Variants in SETD7 observed in about 807,000 individuals in gnomAD.
The protein encoded by SETD7 is histone-lysine N-methyltransferase SETD7.
A neutral mutation model predicts 41.8 loss-of-function variants in SETD7; 16 were observed. The ratio of observed to expected loss-of-function variants is 0.38; its 90% CI spans 0.26 to 0.58. SETD7 has a LOEUF of 0.58. SETD7 is among the 20% of genes least tolerant of loss of function. The pLI is 0.64. For missense variants in SETD7, 346 were observed against 459.7 expected, an observed-to-expected ratio of 0.75 and a Z score of 2.26; for synonymous variants, 163 against 169.7, an observed-to-expected ratio of 0.96 and a Z score of 0.31.
chr4:139,500,273 G>A (rs2111108445), intron 7 of SETD7, among the ~76,000 whole-genome samples: 1 of 152,038 alleles, frequency 6.6e-6, no homozygotes, highest in South Asian at 2.1e-4. Context: ...TCCTCACCAT[G>A]GCCCCTCTGT....
At chr4:139,549,674 T>G (rs959851222) in intron 1 of SETD7, among the ~76,000 whole-genome samples, 1 of 152,114 alleles carries the variant, frequency 6.6e-6, no homozygotes, top group African/African-American at 2.4e-5. Flanking sequence ...GATGAGACCA[T>G]AGTTCACTGT....
intron 1 of SETD7, among the ~76,000 whole-genome samples, chr4:139,553,609 T>G (rs1406553924): frequency 6.6e-6 from 1 of 152,216 alleles, no homozygotes; most frequent in Non-Finnish European, 1.5e-5. Flanking sequence ...TATGCCTCAG[T>G]TCCCGCCTCT....
intron 3 of SETD7, among the ~76,000 whole-genome samples, chr4:139,532,212 C>G (rs1323301496): frequency 1.3e-5 from 2 of 152,178 alleles, no homozygotes; most frequent in Non-Finnish European, 2.9e-5. Flanking sequence ...GAGGCCAAGG[C>G]AGGTGGATTG....
Position 139,556,178 on chromosome 4 carries a change from C to A in SETD7, c.-41G>T. 3 of 1,572,316 alleles carry A rather than the reference C, an allele frequency of 1.9e-6. No individual in the cohort carries two copies. ...TGCCCAGCTCGGGGCTGCGCGGCTG[C>A]CTCCCGTCCCTCTGGGTGCTCCCGG... On this transcript the variant is annotated 5_prime_UTR_variant, in exon 1 of 8. Coordinates refer to ENST00000274031, the MANE Select transcript of SETD7 (RefSeq NM_030648.4).
At chr4:139,525,967 C>T (rs1226761521) in intron 4 of SETD7, among the ~76,000 whole-genome samples, 2 of 152,080 alleles carry the variant, frequency 1.3e-5, no homozygotes, top group Non-Finnish European at 2.9e-5. Context: ...CCAATAAATC[C>T]CCCCTTTCTT....
intron 7 of SETD7, among the ~76,000 whole-genome samples, chr4:139,512,705 T>A (rs1232563797): frequency 1.3e-5 from 2 of 151,724 alleles, no homozygotes; most frequent in African/African-American, 4.8e-5. Flanking sequence ...TTTATATGCA[T>A]CTGGTCAAAT....
chr4:139,550,569 AC>A (rs1467948960), intron 1 of SETD7, among the ~76,000 whole-genome samples: 5 of 152,358 alleles, frequency 3.3e-5, no homozygotes, highest in Admixed American at 6.5e-5. Flanking sequence ...CAAAACAATA[AC>A]AGAGACTTTC....
chr4:139,524,124 C>A (rs543650670), intron 4 of SETD7, among the ~76,000 whole-genome samples: 22 of 152,298 alleles, frequency 1.4e-4, no homozygotes, highest in Admixed American at 1.4e-3. Flanking sequence ...AGGGCTTACT[C>A]CTGCAAAACA....
chr4:139,498,081 T>C (rs923909796), intron 7 of SETD7, among the ~76,000 whole-genome samples: 4 of 152,218 alleles, frequency 2.6e-5, no homozygotes, highest in African/African-American at 9.6e-5. Flanking sequence ...ACTAAGTGAT[T>C]ACTTCATTCT....
At chr4:139,530,356 CTTTTTTT>C (rs70943427) in intron 3 of SETD7, among the ~76,000 whole-genome samples, 188 of 126,916 alleles carry the variant, frequency 1.5e-3, no homozygotes, top group African/African-American at 3.3e-3. Flanking sequence ...CAAATGCTGC[CTTTTTTT>C]TTTTTTTTTT....
chr4:139,531,509 TG>T (rs1165564421), intron 3 of SETD7, among the ~76,000 whole-genome samples: 1 of 152,186 alleles, frequency 6.6e-6, no homozygotes, highest in Non-Finnish European at 1.5e-5. Context: ...CCTCCTACCC[TG>T]GGCAGCACCT....
intron 5 of SETD7, 114 bp downstream of exon 5, chr4:139,523,240 G>T: frequency 1.5e-6 from 1 of 665,070 alleles, no homozygotes; most frequent in Non-Finnish European, 2.7e-6. Context: ...GAGGAGCTTG[G>T]TCTGAGCTGG....
rs2111119026 is a variant in SETD7 at position 139,509,818 on chromosome 4, G to A, written c.*1845C>T. 1 of 985,492 alleles carries A rather than the reference G, an allele frequency of 1.0e-6. No homozygotes were observed. Among genetic ancestry groups the A allele is most frequent in the Non-Finnish European group, 1.2e-6 (1 of 830,008 alleles). 61.0% of individuals were successfully genotyped at this position (985,492 alleles called of 1,614,324 possible). ...ATCTAAAAACTATTCAGTTCCTTTG[G>A]TGGGCAATCTTCCTGGAAGCACTGA... On this transcript the variant is annotated 3_prime_UTR_variant, in exon 8 of 8. Coordinates refer to ENST00000274031, the MANE Select transcript of SETD7 (RefSeq NM_030648.4).
exon 8 of SETD7, chr4:139,496,186 C>G (rs1221324594): frequency 4.1e-6 from 2 of 486,018 alleles, no homozygotes; most frequent in Non-Finnish European, 7.2e-6. Context: ...TTTTTCCCCC[C>G]TCTGGTGACT....
downstream of SETD7, among the ~76,000 whole-genome samples, chr4:139,501,678 T>C (rs539562054): frequency 3.3e-4 from 50 of 152,278 alleles, no homozygotes; most frequent in African/African-American, 8.4e-4. Flanking sequence ...ATCACATGCC[T>C]AGAAAGTGCT....
intron 2 of SETD7, among the ~76,000 whole-genome samples, chr4:139,539,826 T>C (rs2111162751): frequency 6.6e-6 from 1 of 152,322 alleles, no homozygotes; most frequent in East Asian, 1.9e-4. Context: ...TTAGAAAGCT[T>C]GTTTTCTCTC....
intron 5 of SETD7, among the ~76,000 whole-genome samples, chr4:139,521,621 C>G (rs1251530549): frequency 6.6e-6 from 1 of 152,122 alleles, no homozygotes; most frequent in Admixed American, 6.5e-5. Context: ...TACATCCTGC[C>G]ACTTTGCCAC....
intron 4 of SETD7, among the ~76,000 whole-genome samples, chr4:139,525,014 G>A (rs756161202): frequency 2.8e-4 from 43 of 152,160 alleles, no homozygotes; most frequent in Non-Finnish European, 4.6e-4. Context: ...ATGGGGTTTC[G>A]CCCTGTTGGC....
At chr4:139,549,566 TC>T (rs1728053459) in intron 1 of SETD7, among the ~76,000 whole-genome samples, 1 of 139,856 alleles carries the variant, frequency 7.2e-6, no homozygotes, top group Admixed American at 7.2e-5. Flanking sequence ...CTCCTTTTCT[TC>T]CTTTCTTACC....
Sources: gnomAD v4.1 joint callset for allele counts (sites outside exome capture counted in the v4.1 genomes callset) on GRCh38, gnomAD v4.1.1 for gene constraint, MANE v1.5 for transcripts, NCBI Gene and HGNC (gene_info 2026-07-23, HGNC 2026-07-21) for gene names.